Variants in DIP2C observed in about 807,000 individuals in gnomAD.
DIP2C encodes the protein disco-interacting protein 2 homolog C.
A neutral mutation model predicts 192.4 loss-of-function variants in DIP2C; 33 were observed. That is an observed-to-expected ratio of 0.17 (90% CI 0.13 to 0.23). DIP2C has a LOEUF of 0.23. Ranked by LOEUF, DIP2C falls within the 10% of genes least tolerant of loss-of-function variation. The pLI is 1.00. For missense variants in DIP2C, 1,537 were observed against 2,110.1 expected, an observed-to-expected ratio of 0.73 and a Z score of 5.32; for synonymous variants, 979 against 864.1, an observed-to-expected ratio of 1.13 and a Z score of -2.33.
At chr10:383,232 A>C (rs933776853) in intron 16 of DIP2C, among the ~76,000 whole-genome samples, 2 of 152,246 alleles carry the variant, frequency 1.3e-5, no homozygotes, top group African/African-American at 4.8e-5. Flanking sequence ...TTGTTCATTA[A>C]ATTAGCTCAG....
chr10:295,085 T>C (rs1402627443), intron 32 of DIP2C, among the ~76,000 whole-genome samples: 2 of 150,890 alleles, frequency 1.3e-5, no homozygotes, highest in African/African-American at 4.9e-5. Context: ...TCACAAATCA[T>C]CAGAGAAGTG....
At chr10:388,921 T>C (rs1257145081) in intron 13 of DIP2C, among the ~76,000 whole-genome samples, 13 of 149,304 alleles carry the variant, frequency 8.7e-5, no homozygotes, top group Admixed American at 6.7e-4. Flanking sequence ...TCAAGGGGCC[T>C]TGGGGCATCC....
At chr10:528,434 C>T (rs966488154) in intron 1 of DIP2C, among the ~76,000 whole-genome samples, 2 of 151,888 alleles carry the variant, frequency 1.3e-5, no homozygotes, top group Middle Eastern at 6.8e-3. Context: ...AGACCGCCCG[C>T]TGCTCCCCCA....
chr10:474,739 G>A (rs1339122978), intron 2 of DIP2C, among the ~76,000 whole-genome samples: 6 of 152,162 alleles, frequency 3.9e-5, no homozygotes, highest in South Asian at 4.2e-4. Flanking sequence ...CGAGTCTTTC[G>A]CCTAGATACG....
intron 4 of DIP2C, among the ~76,000 whole-genome samples, chr10:437,162 G>A (rs1271402442): frequency 6.8e-6 from 1 of 146,860 alleles, no homozygotes; most frequent in Non-Finnish European, 1.5e-5. Flanking sequence ...TCCTGGACAT[G>A]GTAGGGTGAT....
intron 9 of DIP2C, among the ~76,000 whole-genome samples, chr10:404,887 G>A (rs1302751888): frequency 6.6e-6 from 1 of 152,220 alleles, no homozygotes; most frequent in Non-Finnish European, 1.5e-5. Context: ...TGAGTGTCAT[G>A]TGACGGACTG....
At chr10:423,602 C>T (rs779517879) in intron 4 of DIP2C, among the ~76,000 whole-genome samples, 17 of 151,890 alleles carry the variant, frequency 1.1e-4, no homozygotes, top group Non-Finnish European at 2.2e-4. Context: ...TTTATTTCTA[C>T]ATCAGTGTGT....
intron 10 of DIP2C, among the ~76,000 whole-genome samples, chr10:396,376 C>T (rs746923245): frequency 1.2e-4 from 19 of 152,294 alleles, no homozygotes; most frequent in Admixed American, 9.1e-4. Flanking sequence ...AATCATTTTC[C>T]TCTACAAACC....
intron 10 of DIP2C, among the ~76,000 whole-genome samples, chr10:395,946 G>A (rs1280486875): frequency 6.6e-6 from 1 of 152,214 alleles, no homozygotes; most frequent in South Asian, 2.1e-4. Flanking sequence ...GGACCACAGA[G>A]AGTCCCCCCG....
At chr10:510,492 G>C (rs566852617) in intron 1 of DIP2C, among the ~76,000 whole-genome samples, 6 of 152,320 alleles carry the variant, frequency 3.9e-5, no homozygotes, top group East Asian at 1.9e-4. Context: ...TGGGGTTCTC[G>C]TGACCACCTT....
chr10:507,994 G>C (rs1047102758), intron 1 of DIP2C, among the ~76,000 whole-genome samples: 1 of 152,196 alleles, frequency 6.6e-6, no homozygotes, highest in Non-Finnish European at 1.5e-5. Context: ...TCCTGGTCAG[G>C]AAGAGCTGCA....
rs551407937 is a variant in DIP2C, at chr10:423,954, G to A, written c.395-921C>T. ...ATTGATTTTTCTATCTGTGCAGATTGGATATCTTGGATTATAACAAAATAC... is the reference window on the plus strand; with the variant it reads ...ATTGATTTTTCTATCTGTGCAGATTAGATATCTTGGATTATAACAAAATAC... On this transcript the variant is annotated intron_variant, in intron 4 of 36. Coordinates refer to ENST00000280886, the MANE Select transcript of DIP2C (RefSeq NM_014974.3). Among the ~76,000 whole-genome samples, 49 of 152,266 alleles carry A rather than the reference G, an allele frequency of 3.2e-4. No individual in the cohort carries two copies. The South Asian group carries it at 4.6e-3, about 14-fold the overall frequency.
intron 1 of DIP2C, among the ~76,000 whole-genome samples, chr10:498,176 G>A (rs893092488): frequency 3.3e-5 from 5 of 152,132 alleles, no homozygotes; most frequent in African/African-American, 7.2e-5. Context: ...TCTGTCATGC[G>A]TTTCATAAAC....
At position 341,189 on chromosome 10, in the gene DIP2C, G is replaced by T. The variant is rs374908967; in HGVS notation, c.3584+10C>A. On this transcript the variant is annotated intron_variant, in intron 29 of 36. Transcript: ENST00000280886. ...TTTTTTTAATGTAAAGATATAGAGAGGCATCTTACCTGCAGAGGCACCAGA... is the reference window on the plus strand; with the variant it reads ...TTTTTTTAATGTAAAGATATAGAGATGCATCTTACCTGCAGAGGCACCAGA... 2.5e-6 allele frequency: 4 copies of T among 1,614,060 alleles called. No individual in the cohort carries two copies. Among genetic ancestry groups the T allele is most frequent in the Admixed American group, 1.7e-5 (1 of 60,010 alleles).
chr10:357,955 C>T lies in DIP2C; in HGVS notation c.2795-18G>A, dbSNP rs370963886. On this transcript the variant is annotated intron_variant, in intron 22 of 36. Coordinates refer to ENST00000280886, the MANE Select transcript of DIP2C (RefSeq NM_014974.3). The stretch of plus-strand genomic sequence containing the variant: ...GCCGATTTCTAGAAAGAAACAGAGA[C>T]ATGGCCATGAGGAAACAAAAGAGAA... The T allele has an allele frequency of 5.0e-6, 8 of 1,585,754 alleles. No homozygotes were observed. The highest frequency in any genetic ancestry group is 6.1e-6 in the Non-Finnish European group (7 of 1,156,060).
intron 1 of DIP2C, among the ~76,000 whole-genome samples, chr10:606,713 T>C (rs1429180143): frequency 6.6e-6 from 1 of 152,264 alleles, no homozygotes; most frequent in Non-Finnish European, 1.5e-5. Context: ...AGCACTCTGC[T>C]GCCTCCTTGC....
chr10:581,033 G>A (rs768757123), intron 1 of DIP2C, among the ~76,000 whole-genome samples: 1 of 151,554 alleles, frequency 6.6e-6, no homozygotes, highest in African/African-American at 2.4e-5. Flanking sequence ...TTCATTTTCT[G>A]GTGAGAGAGA....
intron 1 of DIP2C, among the ~76,000 whole-genome samples, chr10:519,222 G>A (rs114722727): frequency 0.013 from 1,961 of 152,256 alleles, 20 homozygotes; most frequent in Middle Eastern, 0.031. Context: ...TAGCTGCCCC[G>A]GCCACACCAG....
chr10:587,686 A>T, intron 1 of DIP2C, among the ~76,000 whole-genome samples: 1 of 132,076 alleles, frequency 7.6e-6, no homozygotes, highest in East Asian at 2.3e-4. Context: ...GAAACCCCAC[A>T]TCCACACCAG....
Sources: allele counts gnomAD v4.1 joint callset (sites outside exome capture counted in the v4.1 genomes callset), GRCh38; gene constraint gnomAD v4.1.1; transcripts MANE v1.5; gene names NCBI Gene and HGNC (gene_info 2026-07-23, HGNC 2026-07-21).